Variants in WDPCP observed in about 807,000 individuals in gnomAD.
WDPCP encodes WD repeat-containing and planar cell polarity effector protein fritz homolog.
WDPCP carries 71 observed loss-of-function variants against 93.1 expected under a neutral mutation model. The ratio of observed to expected loss-of-function variants is 0.76; its 90% confidence interval spans 0.63 to 0.93. WDPCP has a LOEUF of 0.93. Among genes scored for constraint, WDPCP ranks in the 40% least tolerant of loss-of-function variants. The pLI, the probability that WDPCP is intolerant of heterozygous loss-of-function variation, is 0.00. For synonymous variants in WDPCP, 315 were observed against 315.0 expected (o/e 1.00, Z 0.00); for missense variants, 844 against 887.4 (o/e 0.95, Z 0.62).
chr2:63,403,861 A>G, intron 10 of WDPCP, 187 bp downstream of exon 10: 1 of 731,584 alleles, frequency 1.4e-6, no homozygotes, highest in Non-Finnish European at 2.2e-6. Context: ...AAATTATTCA[A>G]TATCTAGTGT....
chr2:63,733,886 C>G (rs1245986884), intron 2 of WDPCP, among the ~76,000 whole-genome samples: 2 of 152,170 alleles, frequency 1.3e-5, no homozygotes, highest in African/African-American at 4.8e-5. Context: ...AAAAAAACCT[C>G]TAAACCCATA....
At chr2:63,360,077 C>G (rs1452730245) in intron 12 of WDPCP, 1 of 151,302 alleles carries the variant, frequency 6.6e-6, no homozygotes, top group Admixed American at 6.6e-5. Flanking sequence ...AAGACTCCAT[C>G]TAAAAAAAAA....
At chr2:63,298,413 AC>A (rs1250534310) in intron 13 of WDPCP, among the ~76,000 whole-genome samples, 1 of 151,744 alleles carries the variant, frequency 6.6e-6, no homozygotes, top group Non-Finnish European at 1.5e-5. Context: ...GAGAGGAAGA[AC>A]CACCTTCAGG....
intron 2 of WDPCP, among the ~76,000 whole-genome samples, chr2:63,672,104 C>T (rs116648004): frequency 0.014 from 2,121 of 152,282 alleles, 30 homozygotes; most frequent in Non-Finnish European, 0.021. Context: ...CTAACCTAAG[C>T]AAGACATAGA....
intron 2 of WDPCP, among the ~76,000 whole-genome samples, chr2:63,741,709 T>C (rs1272605912): frequency 6.6e-6 from 1 of 152,112 alleles, no homozygotes; most frequent in Admixed American, 6.6e-5. Context: ...AAAAACCCTC[T>C]GATTTCTTTA....
intron 1 of WDPCP, among the ~76,000 whole-genome samples, chr2:63,528,492 G>T (rs1470518161): frequency 6.6e-6 from 1 of 152,164 alleles, no homozygotes; most frequent in Non-Finnish European, 1.5e-5. Context: ...CCCAGTTCTT[G>T]TTTTTATCAG....
chr2:63,539,501 G>C (rs1704552191), intron 1 of WDPCP, among the ~76,000 whole-genome samples: 1 of 152,200 alleles, frequency 6.6e-6, no homozygotes, highest in Non-Finnish European at 1.5e-5. Context: ...TTTGAAACCA[G>C]CCTGGCCAAC....
chr2:63,593,674 G>A (rs1020980320), upstream of WDPCP: 4 of 471,334 alleles, frequency 8.5e-6, no homozygotes, highest in African/African-American at 2.0e-5. Flanking sequence ...CAGCATTATC[G>A]GGGAAAGGAA....
At chr2:63,390,094 T>A (rs979711469) in intron 10 of WDPCP, among the ~76,000 whole-genome samples, 2 of 152,212 alleles carry the variant, frequency 1.3e-5, no homozygotes, top group African/African-American at 4.8e-5. Context: ...AGAATATACA[T>A]TCTTCACAGC....
chr2:63,675,060 G>A (rs561405646), intron 2 of WDPCP, among the ~76,000 whole-genome samples: 2 of 152,244 alleles, frequency 1.3e-5, no homozygotes, highest in East Asian at 3.9e-4. Flanking sequence ...TGGTCTTGGG[G>A]TTCCTTTTGA....
intron 4 of WDPCP, among the ~76,000 whole-genome samples, chr2:63,485,256 TA>T (rs1247076455): frequency 6.6e-6 from 1 of 151,814 alleles, no homozygotes; most frequent in Non-Finnish European, 1.5e-5. Flanking sequence ...CTTGTGAATC[TA>T]GTAATTCATG....
At chr2:63,393,413 A>T (rs912724880) in intron 10 of WDPCP, among the ~76,000 whole-genome samples, 2 of 152,168 alleles carry the variant, frequency 1.3e-5, no homozygotes, top group Non-Finnish European at 2.9e-5. Context: ...GAGGGATAGC[A>T]TTAGGAGAAA....
intron 14 of WDPCP, among the ~76,000 whole-genome samples, chr2:63,240,623 T>C (rs1459335480): frequency 6.6e-6 from 1 of 152,186 alleles, no homozygotes; most frequent in Non-Finnish European, 1.5e-5. Flanking sequence ...TTTAACTACA[T>C]AGTTTCATTA....
At chr2:63,590,887 A>G (rs1420661411), upstream of WDPCP, 1 of 152,232 alleles carries the variant, frequency 6.6e-6, no homozygotes, top group African/African-American at 2.4e-5. Context: ...TTCTTCTGTA[A>G]GCTCATTCAA....
chr2:63,815,478 C>T (rs1394129546), intron 1 of WDPCP, among the ~76,000 whole-genome samples: 1 of 152,134 alleles, frequency 6.6e-6, no homozygotes, highest in African/African-American at 2.4e-5. Context: ...ACTATTTAGT[C>T]AGGAAACACT....
At position 63,368,706 on chromosome 2, in the gene WDPCP, T is replaced by C. The variant is rs569232826; in HGVS notation, c.1748+9680A>G. 4.6e-5 allele frequency: 7 copies of C among 151,916 alleles called. No individual in the cohort carries two copies. The South Asian group carries it at 1.5e-3, about 32-fold the overall frequency. 9.4% of individuals were successfully genotyped at this position (151,916 alleles called of 1,614,324 possible). ...TCCCAAGTAGCTGGAACTACAGGCA[T>C]ACACCTGGCAAGTTCTGTTAAGTTT... On this transcript the variant is annotated intron_variant, in intron 12 of 17. Transcript: ENST00000272321.
chr2:63,752,633 G>A (rs1004793932), intron 2 of WDPCP: 2 of 476,212 alleles, frequency 4.2e-6, no homozygotes, highest in Non-Finnish European at 7.5e-6. Context: ...ACATGACGGT[G>A]GCGGTGGGAA....
At chr2:63,191,601 T>A (rs1371141413) in intron 14 of WDPCP, among the ~76,000 whole-genome samples, 1 of 151,996 alleles carries the variant, frequency 6.6e-6, no homozygotes, top group Non-Finnish European at 1.5e-5. Context: ...CCCACTTTAG[T>A]GGGGCAGGCA....
intron 12 of WDPCP, among the ~76,000 whole-genome samples, chr2:63,321,063 A>G (rs905572860): frequency 2.6e-5 from 4 of 152,102 alleles, no homozygotes; most frequent in African/African-American, 7.2e-5. Context: ...AAGGAGGGAC[A>G]TTTCATAATG....
Sources: gnomAD v4.1 joint callset for allele counts (sites outside exome capture counted in the v4.1 genomes callset) on GRCh38, gnomAD v4.1.1 for gene constraint, MANE v1.5 for transcripts, NCBI Gene and HGNC (gene_info 2026-07-23, HGNC 2026-07-21) for gene names.